Variants in WARS2 observed in about 807,000 individuals in gnomAD.
WARS2 encodes tryptophan--tRNA ligase, mitochondrial.
In WARS2, 28 loss-of-function variants were observed where a neutral mutation model predicts 36.5. The ratio of observed to expected loss-of-function variants is 0.77; its 90% CI spans 0.57 to 1.05. The LOEUF (loss-of-function observed/expected upper bound fraction) is 1.05, where lower values mean the gene tolerates loss of function less well. WARS2 is among the 50% of genes least tolerant of loss of function. The pLI is 0.00. For synonymous variants in WARS2, 174 were observed against 178.4 expected (o/e 0.98, Z 0.20); for missense variants, 435 against 456.8 (o/e 0.95, Z 0.44).
chr1:119,139,556 C>T (rs947453569), intron 1 of WARS2: 4 of 152,228 alleles, frequency 2.6e-5, no homozygotes, highest in African/African-American at 9.7e-5. Context: ...TGACTTGTCA[C>T]ACAGCTGTCA....
chr1:119,108,967 T>C (rs1654431312), intron 1 of WARS2, among the ~76,000 whole-genome samples: 1 of 151,970 alleles, frequency 6.6e-6, no homozygotes, highest in Admixed American at 6.6e-5. Flanking sequence ...AGATTTTATA[T>C]TTGAGCACCG....
At chr1:119,076,922 C>T (rs2101322302) in intron 1 of WARS2, among the ~76,000 whole-genome samples, 1 of 151,954 alleles carries the variant, frequency 6.6e-6, no homozygotes. Flanking sequence ...GGTGGATCAC[C>T]TGAGATCAGG....
chr1:119,052,351 T>C (rs1425454283), intron 2 of WARS2, among the ~76,000 whole-genome samples: 1 of 152,242 alleles, frequency 6.6e-6, no homozygotes, highest in African/African-American at 2.4e-5. Context: ...GAAATTCTCA[T>C]TTATTGCTTC....
intron 2 of WARS2, among the ~76,000 whole-genome samples, chr1:119,061,233 C>T (rs1208095102): frequency 6.6e-6 from 1 of 151,956 alleles, no homozygotes; most frequent in East Asian, 1.9e-4. Flanking sequence ...GGAGACCAAA[C>T]CCGAGATGTT....
chr1:119,056,225 C>T (rs1649795251), intron 2 of WARS2, among the ~76,000 whole-genome samples: 2 of 133,916 alleles, frequency 1.5e-5, no homozygotes, highest in Admixed American at 1.6e-4. Flanking sequence ...TTAGTACAGA[C>T]GAGGTTTTGC....
chr1:119,088,925 C>T (rs1227283361), intron 1 of WARS2, among the ~76,000 whole-genome samples: 1 of 152,170 alleles, frequency 6.6e-6, no homozygotes, highest in Non-Finnish European at 1.5e-5. Context: ...ATCTTTCCTA[C>T]CAGAAAGTCT....
intron 2 of WARS2, among the ~76,000 whole-genome samples, chr1:119,052,155 C>T (rs1649422374): frequency 6.6e-6 from 1 of 152,022 alleles, no homozygotes; most frequent in South Asian, 2.1e-4. Flanking sequence ...GGATAGACAG[C>T]ATGATTCTGA....
chr1:119,061,071 A>AT (rs1186718622), intron 2 of WARS2, among the ~76,000 whole-genome samples: 1 of 152,084 alleles, frequency 6.6e-6, no homozygotes, highest in African/African-American at 2.4e-5. Context: ...AAAACAACAG[A>AT]TTTTTATTTA....
At position 119,045,580 on chromosome 1, in the gene WARS2, A is replaced by G; in HGVS notation, c.429+2T>C. 1.3e-6 allele frequency: 2 copies of G among 1,588,390 alleles called. No individual in the cohort carries two copies. Among genetic ancestry groups the G allele is most frequent in the Non-Finnish European group, 1.7e-6 (2 of 1,162,974 alleles). The stretch of plus-strand genomic sequence containing the variant: ...TTTATTAATCAGATTACTGGCATTT[A>G]CCTTCCACTGATGTAAATGTTGTAA... On this transcript the variant is annotated splice_donor_variant, in intron 3 of 5. Coordinates refer to ENST00000235521, the MANE Select transcript of WARS2 (RefSeq NM_015836.4). LOFTEE classifies it high-confidence loss of function.
chr1:119,033,082 C>T lies in WARS2; in HGVS notation c.912G>A (p.Leu304=). The T allele has an allele frequency of 6.2e-7, 1 of 1,614,254 alleles. No homozygotes were observed. The highest frequency in any genetic ancestry group is 8.5e-7 in the Non-Finnish European group (1 of 1,180,054). The change falls in exon 6 of 6, where the codon CTG becomes CTA. Residue 304 remains leucine, a synonymous_variant. Transcript: ENST00000235521. ...SAGMNTARYK[L]AVADAVIEKF... ...TCTCAATCACAGCATCTGCCACGGC[C>T]AGCTTGTAGCGAGCAGTGTTCATGC...
intron 1 of WARS2, among the ~76,000 whole-genome samples, chr1:119,112,945 A>G (rs1211652767): frequency 6.6e-6 from 1 of 152,200 alleles, no homozygotes; most frequent in Non-Finnish European, 1.5e-5. Context: ...TTTGTAAGGC[A>G]GTGACTACCA....
chr1:119,111,985 C>T (rs587753759), intron 1 of WARS2, among the ~76,000 whole-genome samples: 1 of 151,684 alleles, frequency 6.6e-6, no homozygotes, highest in South Asian at 2.1e-4. Flanking sequence ...TGCAGTGGTG[C>T]GATCTTGGCT....
chr1:119,074,786 A>G (rs587599089), intron 2 of WARS2, among the ~76,000 whole-genome samples: 2 of 152,342 alleles, frequency 1.3e-5, no homozygotes, highest in South Asian at 2.1e-4. Flanking sequence ...TATATACACT[A>G]TGGAATACTA....
At position 119,033,101 on chromosome 1, in the gene WARS2, T is replaced by C. The variant is rs1260873023; in HGVS notation, c.893A>G (p.Asn298Ser). The part of the protein sequence containing the change: ...EEVVRRSAGM[N>S]TARYKLAVAD... ...CACGGCCAGCTTGTAGCGAGCAGTG[T>C]TCATGCCCGCGCTGCGGCGCACCAC... The change falls in exon 6 of 6, where the codon AAC (asparagine) becomes AGC (serine). Residue 298 changes from asparagine to serine, a missense_variant. Coordinates refer to ENST00000235521, the MANE Select transcript of WARS2 (RefSeq NM_015836.4). 2 of 1,614,240 alleles carry C rather than the reference T, an allele frequency of 1.2e-6. No homozygotes were observed. The highest frequency in any genetic ancestry group is 1.3e-5 in the African/African-American group (1 of 75,080).
intron 1 of WARS2, among the ~76,000 whole-genome samples, chr1:119,138,085 C>T (rs1656640295): frequency 6.6e-6 from 1 of 152,100 alleles, no homozygotes. Context: ...TTTGATGGAA[C>T]CATTCATATG....
chr1:119,085,623 T>C (rs1456018865), intron 1 of WARS2: 7 of 1,454,820 alleles, frequency 4.8e-6, no homozygotes, highest in South Asian at 4.6e-5. Context: ...GTTAGACACA[T>C]GATCCACTCG....
At chr1:119,084,169 C>T (rs1001498465) in intron 1 of WARS2, among the ~76,000 whole-genome samples, 3 of 91,806 alleles carry the variant, frequency 3.3e-5, no homozygotes, top group Admixed American at 1.3e-4. Context: ...GCACACACAA[C>T]TACGTCGGCT....
intron 1 of WARS2, among the ~76,000 whole-genome samples, chr1:119,128,367 A>T (rs1655832262): frequency 6.6e-6 from 1 of 151,842 alleles, no homozygotes; most frequent in African/African-American, 2.4e-5. Flanking sequence ...CTAATGGATA[A>T]TTTTTAGTCT....
At chr1:119,054,555 A>G (rs1281567014) in intron 2 of WARS2, among the ~76,000 whole-genome samples, 1 of 152,206 alleles carries the variant, frequency 6.6e-6, no homozygotes, top group African/African-American at 2.4e-5. Context: ...TTTCTCATAT[A>G]TATACATAAG....
Sources: gnomAD v4.1 joint callset for allele counts (sites outside exome capture counted in the v4.1 genomes callset) on GRCh38, gnomAD v4.1.1 for gene constraint, MANE v1.5 for transcripts, NCBI Gene and HGNC (gene_info 2026-07-23, HGNC 2026-07-21) for gene names.